The following IMMP1L variants were observed in gnomAD, a reference collection of about 807,000 sequenced individuals.
IMMP1L encodes the protein inner mitochondrial membrane peptidase subunit 1.
IMMP1L carries 24 observed loss-of-function variants against 21.8 expected under a neutral mutation model. The ratio of observed to expected loss-of-function variants is 1.10; its 90% confidence interval spans 0.80 to 1.55. IMMP1L has a LOEUF of 1.55. Among genes scored for constraint, IMMP1L ranks in the 40% most tolerant of loss-of-function variants. The probability of loss-of-function intolerance (pLI) is 0.00; values close to 1 mark genes in which losing one functional copy is unlikely to be tolerated. For synonymous variants in IMMP1L, 46 were observed against 62.8 expected, an observed-to-expected ratio of 0.73 and a Z score of 1.26; for missense variants, 195 against 200.7, an observed-to-expected ratio of 0.97 and a Z score of 0.17.
At chr11:31,460,181 A>C (rs1954088207) in intron 3 of IMMP1L, among the ~76,000 whole-genome samples, 1 of 152,158 alleles carries the variant, frequency 6.6e-6, no homozygotes, top group Non-Finnish European at 1.5e-5. Flanking sequence ...GAAAATTTAA[A>C]AAAATAAAAA....
intron 4 of IMMP1L, among the ~76,000 whole-genome samples, chr11:31,455,329 T>C (rs1329758987): frequency 6.6e-6 from 1 of 152,176 alleles, no homozygotes; most frequent in Non-Finnish European, 1.5e-5. Context: ...AGATTTACAG[T>C]AAAGTAGAAA....
intron 1 of IMMP1L, among the ~76,000 whole-genome samples, chr11:31,484,802 C>T (rs538278596): frequency 6.6e-6 from 1 of 152,000 alleles, no homozygotes; most frequent in Admixed American, 6.6e-5. Context: ...GTTTATAAGG[C>T]AATTTCCAAC....
intron 1 of IMMP1L, among the ~76,000 whole-genome samples, chr11:31,489,140 G>A (rs1450230345): frequency 5.9e-5 from 9 of 151,812 alleles, no homozygotes; most frequent in Non-Finnish European, 1.2e-4. Context: ...CTTGTGATCC[G>A]CCTGCCTCAG....
chr11:31,482,044 A>G (rs1454543617), intron 1 of IMMP1L, among the ~76,000 whole-genome samples: 1 of 152,092 alleles, frequency 6.6e-6, no homozygotes, highest in Non-Finnish European at 1.5e-5. Flanking sequence ...ACTAACAAAC[A>G]ACTAAAGTAG....
intron 1 of IMMP1L, among the ~76,000 whole-genome samples, chr11:31,497,703 G>A (rs185610586): frequency 9.2e-4 from 140 of 152,180 alleles, no homozygotes; most frequent in African/African-American, 3.1e-3. Context: ...CTCGTGATCC[G>A]CCTGCCAAAG....
chr11:31,505,663 C>T (rs147215155), intron 1 of IMMP1L, among the ~76,000 whole-genome samples: 185 of 152,234 alleles, frequency 1.2e-3, no homozygotes, highest in African/African-American at 3.9e-3. Flanking sequence ...ATATTGACTG[C>T]GTCTACCTCT....
At chr11:31,452,318 TA>T in intron 4 of IMMP1L, 2 of 984,370 alleles carry the variant, frequency 2.0e-6, no homozygotes, top group Non-Finnish European at 2.4e-6. Flanking sequence ...ATTATACTAA[TA>T]AACATTATGA....
At chr11:31,478,340 T>C (rs902537608) in intron 1 of IMMP1L, among the ~76,000 whole-genome samples, 2 of 152,240 alleles carry the variant, frequency 1.3e-5, no homozygotes, top group African/African-American at 4.8e-5. Flanking sequence ...CCTGTGAGGA[T>C]AGCACAAATG....
intron 5 of IMMP1L, 59 bp downstream of exon 5, chr11:31,433,401 T>A: frequency 1.0e-6 from 1 of 980,160 alleles, no homozygotes. Flanking sequence ...GAGATCATTT[T>A]GAGAGAAACT....
chr11:31,447,354 G>A (rs1364962169), intron 4 of IMMP1L, among the ~76,000 whole-genome samples: 1 of 152,150 alleles, frequency 6.6e-6, no homozygotes, highest in East Asian at 1.9e-4. Flanking sequence ...GGGGTCAGAA[G>A]TCCATTATCG....
chr11:31,463,384 C>T (rs1954219051), intron 1 of IMMP1L, 79 bp from the exon 2 acceptor site: 1 of 1,295,780 alleles, frequency 7.7e-7, no homozygotes, highest in African/African-American at 1.5e-5. Flanking sequence ...AAATATTTTA[C>T]AATCACCCAA....
At chr11:31,482,693 G>GA (rs550629596) in intron 1 of IMMP1L, among the ~76,000 whole-genome samples, 151 of 151,952 alleles carry the variant, frequency 9.9e-4, no homozygotes, top group African/African-American at 3.1e-3. Context: ...AAGATGGGGG[G>GA]AAAAAAACGA....
At chr11:31,453,230 A>C in intron 4 of IMMP1L, 1 of 566,464 alleles carries the variant, frequency 1.8e-6, no homozygotes. Context: ...CACTTAACCA[A>C]TGATTTGTTT....
chr11:31,464,380 C>G (rs1954258938), intron 1 of IMMP1L, among the ~76,000 whole-genome samples: 1 of 152,098 alleles, frequency 6.6e-6, no homozygotes, highest in Non-Finnish European at 1.5e-5. Flanking sequence ...AAAGAACCAA[C>G]ACCAATTCTT....
intron 4 of IMMP1L, among the ~76,000 whole-genome samples, chr11:31,454,882 T>A (rs563110904): frequency 6.6e-6 from 1 of 152,232 alleles, no homozygotes; most frequent in South Asian, 2.1e-4. Flanking sequence ...AGTACACACA[T>A]GATGCTAAAG....
At chr11:31,500,596 C>CACACACACACACACAA (rs892313433) in intron 1 of IMMP1L, among the ~76,000 whole-genome samples, 1 of 147,918 alleles carries the variant, frequency 6.8e-6, no homozygotes, top group Non-Finnish European at 1.5e-5. Flanking sequence ...CACATATGCA[C>CACACACACACACACAA]ACACACACAC....
intron 1 of IMMP1L, among the ~76,000 whole-genome samples, chr11:31,494,046 G>A (rs995611292): frequency 1.3e-5 from 2 of 152,180 alleles, no homozygotes; most frequent in African/African-American, 4.8e-5. Context: ...CTACCATTCC[G>A]GGGTCTGGAG....
chr11:31,441,981 T>A (rs750014176), intron 4 of IMMP1L, among the ~76,000 whole-genome samples: 1 of 152,216 alleles, frequency 6.6e-6, no homozygotes, highest in Non-Finnish European at 1.5e-5. Flanking sequence ...CTATGCCATT[T>A]TGAATGAATG....
At chr11:31,438,548 T>C (rs1953202585) in intron 4 of IMMP1L, among the ~76,000 whole-genome samples, 1 of 152,128 alleles carries the variant, frequency 6.6e-6, no homozygotes, top group Admixed American at 6.6e-5. Flanking sequence ...CCTATTGTGT[T>C]TCGTGCTTTT....
Sources: gnomAD v4.1 joint callset for allele counts (sites outside exome capture counted in the v4.1 genomes callset) on GRCh38, gnomAD v4.1.1 for gene constraint, MANE v1.5 for transcripts, NCBI Gene and HGNC (gene_info 2026-07-23, HGNC 2026-07-21) for gene names.